The following SNX7 variants were observed in gnomAD, a reference collection of about 807,000 sequenced individuals.
SNX7 encodes sorting nexin-7.
In SNX7, 35 loss-of-function variants were observed where a neutral mutation model predicts 48.4. The observed-to-expected ratio is 0.72, with a 90% confidence interval of 0.55 to 0.96. The LOEUF is 0.96. Ranked by LOEUF, SNX7 falls within the 40% of genes least tolerant of loss-of-function variation. The pLI is 0.00. For synonymous variants in SNX7, 190 were observed against 190.2 expected (o/e 1.00, Z 0.01); for missense variants, 553 against 548.9 (o/e 1.01, Z -0.07).
intron 6 of SNX7, among the ~76,000 whole-genome samples, chr1:98,700,031 T>C (rs1651670255): frequency 6.6e-6 from 1 of 152,208 alleles, no homozygotes; most frequent in African/African-American, 2.4e-5. Context: ...TATGTTCTGT[T>C]CCATTAATTA....
chr1:98,663,342 C>G lies in SNX7; in HGVS notation c.180+1431C>G, dbSNP rs1309336779. Reference sequence around the variant, plus strand: ...CAAGGGATTCTACCACCTCCAGCACCCAAAGGGTTTGGGATTACAGGCTTG... The same window carrying G: ...CAAGGGATTCTACCACCTCCAGCACGCAAAGGGTTTGGGATTACAGGCTTG... On this transcript the variant is annotated intron_variant, in intron 1 of 8. Coordinates refer to ENST00000306121, the MANE Select transcript of SNX7 (RefSeq NM_015976.5). 2.3e-5 allele frequency among the ~76,000 whole-genome samples: 3 copies of G among 129,754 alleles called. No individual in the cohort carries two copies. In the East Asian group the frequency reaches 7.3e-4, roughly 32 times the overall value. The allele number at this position is 129,754 out of a possible 152,430, so 85.1% of individuals were successfully genotyped here. A position where few individuals can be genotyped will look rare whatever the true frequency, so the allele number is the denominator to read the frequency against.
At chr1:98,717,584 A>G (rs1434439843) in intron 7 of SNX7, among the ~76,000 whole-genome samples, 18 of 152,162 alleles carry the variant, frequency 1.2e-4, no homozygotes, top group Admixed American at 1.2e-3. Flanking sequence ...AATACCAATC[A>G]GAATTTGCAC....
chr1:98,736,468 A>C (rs1405497475), intron 7 of SNX7, among the ~76,000 whole-genome samples: 2 of 152,088 alleles, frequency 1.3e-5, no homozygotes, highest in East Asian at 3.9e-4. Context: ...CTATTTCCAA[A>C]CACCCACAGC....
intron 1 of SNX7, among the ~76,000 whole-genome samples, chr1:98,684,130 C>G (rs1239216752): frequency 6.6e-6 from 1 of 152,200 alleles, no homozygotes; most frequent in Admixed American, 6.5e-5. Flanking sequence ...ATATCCTTGC[C>G]TCTTCCTAGT....
chr1:98,724,096 G>C (rs934048500), intron 7 of SNX7, among the ~76,000 whole-genome samples: 3 of 151,960 alleles, frequency 2.0e-5, no homozygotes, highest in Admixed American at 6.6e-5. Context: ...TTTTAATCAG[G>C]CTGGGGCAGT....
intron 7 of SNX7, among the ~76,000 whole-genome samples, chr1:98,721,797 T>C (rs766446853): frequency 6.6e-6 from 1 of 152,076 alleles, no homozygotes; most frequent in Non-Finnish European, 1.5e-5. Context: ...TTTCTAGGCT[T>C]AGGTTATATT....
In SNX7 at chr1:98,695,608, A is replaced by C; in HGVS notation, c.730A>C (p.Lys244Gln). The change falls in exon 5 of 9, where the codon AAA becomes CAA. Residue 244 changes from lysine to glutamine, a missense_variant. Lys to Gln is a moderately conservative substitution (Grantham distance 53, BLOSUM62 1). Coordinates refer to ENST00000306121, the MANE Select transcript of SNX7 (RefSeq NM_015976.5). The part of the protein sequence containing the change: ...RAVASSMRGV[K>Q]NRPEEFMEMN... ...TGTTGCGTCCTCAATGAGAGGAGTTAAAAACCGCCCAGAGGAGTTCATGGA... is the reference window on the plus strand; with the variant it reads ...TGTTGCGTCCTCAATGAGAGGAGTTCAAAACCGCCCAGAGGAGTTCATGGA... 6.2e-7 allele frequency: 1 copy of C among 1,614,146 alleles called. No homozygotes were observed. The highest frequency in any genetic ancestry group is 8.5e-7 in the Non-Finnish European group (1 of 1,180,004).
intron 6 of SNX7, 147 bp from the exon 7 acceptor site, chr1:98,701,670 A>G (rs1041443982): frequency 1.4e-5 from 7 of 508,864 alleles, no homozygotes; most frequent in Non-Finnish European, 2.4e-5. Context: ...AAAAAAAAAA[A>G]AACAACTTTT....
chr1:98,734,411 G>A (rs887654022), intron 7 of SNX7, among the ~76,000 whole-genome samples: 4 of 152,136 alleles, frequency 2.6e-5, no homozygotes, highest in African/African-American at 9.7e-5. Flanking sequence ...AATGGCTGGT[G>A]CTATTCAGTC....
chr1:98,715,915 T>TCA (rs370058489), intron 7 of SNX7, among the ~76,000 whole-genome samples: 115 of 151,026 alleles, frequency 7.6e-4, no homozygotes, highest in Middle Eastern at 3.4e-3. Context: ...TTAATCATAT[T>TCA]CACACACACA....
upstream of SNX7, among the ~76,000 whole-genome samples, chr1:98,661,353 T>C (rs541672705): frequency 7.9e-3 from 1,203 of 151,848 alleles, 15 homozygotes; most frequent in African/African-American, 0.028. Context: ...TCCCGCGAAG[T>C]GGACGGTTCG....
chr1:98,742,841 T>G (rs1654138021), intron 8 of SNX7, among the ~76,000 whole-genome samples: 1 of 152,058 alleles, frequency 6.6e-6, no homozygotes, highest in Admixed American at 6.6e-5. Context: ...AAAACACATA[T>G]GTTTACTTAT....
chr1:98,669,953 G>A (rs1008933664), intron 1 of SNX7, among the ~76,000 whole-genome samples: 7 of 152,142 alleles, frequency 4.6e-5, no homozygotes, highest in African/African-American at 1.2e-4. Context: ...TAGGAGAGTA[G>A]GAACTCTATT....
chr1:98,663,841 GAA>G (rs1013258361), intron 1 of SNX7, among the ~76,000 whole-genome samples: 2 of 152,166 alleles, frequency 1.3e-5, no homozygotes, highest in Non-Finnish European at 2.9e-5. Flanking sequence ...TGGATGCTTA[GAA>G]AAAGTTAAGA....
chr1:98,662,944 G>C, intron 1 of SNX7: 1 of 807,326 alleles, frequency 1.2e-6, no homozygotes, highest in Non-Finnish European at 1.7e-6. Flanking sequence ...GGTTTAAATG[G>C]AATGATAGGC....
chr1:98,669,585 A>G (rs1649738593), intron 1 of SNX7, among the ~76,000 whole-genome samples: 1 of 152,354 alleles, frequency 6.6e-6, no homozygotes, highest in African/African-American at 2.4e-5. Flanking sequence ...ATGCAGTCTC[A>G]GACCCCAGTG....
At chr1:98,750,089 G>T (rs1654507990) in intron 8 of SNX7, among the ~76,000 whole-genome samples, 1 of 151,722 alleles carries the variant, frequency 6.6e-6, no homozygotes, top group African/African-American at 2.4e-5. Flanking sequence ...TATATGGGAA[G>T]GTGTGGCTTT....
intron 1 of SNX7, among the ~76,000 whole-genome samples, chr1:98,669,588 C>A (rs1570483714): frequency 6.6e-6 from 1 of 152,332 alleles, no homozygotes; most frequent in East Asian, 1.9e-4. Flanking sequence ...CAGTCTCAGA[C>A]CCCAGTGAAT....
intron 4 of SNX7, among the ~76,000 whole-genome samples, chr1:98,694,868 A>G (rs1328534794): frequency 2.0e-5 from 3 of 151,442 alleles, no homozygotes; most frequent in African/African-American, 4.9e-5. Flanking sequence ...CGGCCTCCCA[A>G]AGTACTGGGA....
Sources: allele counts gnomAD v4.1 joint callset (sites outside exome capture counted in the v4.1 genomes callset), GRCh38; gene constraint gnomAD v4.1.1; transcripts MANE v1.5; gene names NCBI Gene and HGNC (gene_info 2026-07-23, HGNC 2026-07-21).